The following YIPF7 variants were observed in gnomAD, a reference collection of about 807,000 sequenced individuals.
YIPF7 encodes Yip1 domain family member 7.
YIPF7 carries 35 observed loss-of-function variants against 27.2 expected under a neutral mutation model. The observed-to-expected ratio is 1.29, with a 90% CI of 0.98 to 1.70. The LOEUF is 1.70. YIPF7 is among the 40% of genes most tolerant of loss of function. The pLI is 0.00. For synonymous variants in YIPF7, 137 were observed against 110.4 expected, an observed-to-expected ratio of 1.24 and a Z score of -1.51; for missense variants, 358 against 303.7, an observed-to-expected ratio of 1.18 and a Z score of -1.33.
At chr4:44,628,926 A>T (rs1712770234) in intron 4 of YIPF7, among the ~76,000 whole-genome samples, 1 of 152,174 alleles carries the variant, frequency 6.6e-6, no homozygotes, top group South Asian at 2.1e-4. Flanking sequence ...TTAATTTTTC[A>T]TAGTAGCCTA....
intron 2 of YIPF7, among the ~76,000 whole-genome samples, chr4:44,638,836 G>C (rs1713226105): frequency 6.6e-6 from 1 of 152,132 alleles, no homozygotes; most frequent in Non-Finnish European, 1.5e-5. Context: ...TTATGTTTAA[G>C]TCTTTAATCC....
chr4:44,632,189 A>T (rs1712925619), intron 3 of YIPF7, among the ~76,000 whole-genome samples: 1 of 152,178 alleles, frequency 6.6e-6, no homozygotes, highest in South Asian at 2.1e-4. Flanking sequence ...TATGTGAGTG[A>T]TTATAACTAT....
chr4:44,629,957 T>C (rs1003836198), intron 3 of YIPF7, among the ~76,000 whole-genome samples: 4 of 152,226 alleles, frequency 2.6e-5, no homozygotes, highest in Non-Finnish European at 4.4e-5. Flanking sequence ...AGATATTTCC[T>C]TTTCCTGCAT....
intron 3 of YIPF7, among the ~76,000 whole-genome samples, chr4:44,635,476 T>C (rs374789238): frequency 8.5e-5 from 13 of 152,274 alleles, no homozygotes; most frequent in African/African-American, 3.1e-4. Context: ...CTTGTCTCCA[T>C]GTCAACAATG....
In YIPF7 at chr4:44,629,513, T is replaced by A; in HGVS notation, c.316A>T (p.Thr106Ser). 6.4e-7 allele frequency: 1 copy of A among 1,568,596 alleles called. No individual in the cohort carries two copies. The highest frequency in any genetic ancestry group is 8.6e-7 in the Non-Finnish European group (1 of 1,156,224). ...TTCATTGGGTTTAACACTGTCAAAGTTTTTTGCCATATGTGATCAAAATGG... is the reference window on the plus strand; with the variant it reads ...TTCATTGGGTTTAACACTGTCAAAGATTTTTGCCATATGTGATCAAAATGG... ...GIHFDHIWQK[T>S]LTVLNPMKPV... Residue 106 changes from threonine to serine, a missense_variant, in exon 4 of 6, where the codon ACT (threonine) becomes TCT (serine). Thr to Ser is a moderately conservative substitution (Grantham distance 58). Transcript: ENST00000415895.
At chr4:44,647,338 TTCTC>T (rs1713562707) in intron 2 of YIPF7, among the ~76,000 whole-genome samples, 1 of 152,172 alleles carries the variant, frequency 6.6e-6, no homozygotes, top group South Asian at 2.1e-4. Flanking sequence ...AGAAAGTTTT[TTCTC>T]TCTTATTGTG....
chr4:44,624,189 C>T (rs768144273), intron 5 of YIPF7, among the ~76,000 whole-genome samples: 37 of 151,664 alleles, frequency 2.4e-4, no homozygotes, highest in Admixed American at 1.2e-3. Context: ...CTCAGCCTCC[C>T]GAGTAGATGG....
intron 1 of YIPF7, among the ~76,000 whole-genome samples, chr4:44,650,543 GATT>G (rs113112449): frequency 3.1e-3 from 459 of 145,718 alleles, no homozygotes; most frequent in African/African-American, 0.011. Flanking sequence ...TTGTACCAAG[GATT>G]ATTATCTGCA....
chr4:44,624,559 T>C, intron 5 of YIPF7, 42 bp downstream of exon 5: 2 of 1,500,358 alleles, frequency 1.3e-6, no homozygotes, highest in Non-Finnish European at 1.8e-6. Context: ...ACCTTGGCTA[T>C]GATTGTGCAT....
At position 44,624,773 on chromosome 4, in the gene YIPF7, C is replaced by A; in HGVS notation, c.436G>T (p.Val146Phe). 6.2e-7 allele frequency: 1 copy of A among 1,607,002 alleles called. No individual in the cohort carries two copies. Among genetic ancestry groups the A allele is most frequent in the Non-Finnish European group, 8.5e-7 (1 of 1,177,470 alleles). ...ATGCCATACACATAACCAAACTGAA[C>A]TTTTCCTGCCTGAAACGACGTGAAG... ...LGATLLLAGKVQFGYVYGMSA... is the reference protein window; with the variant it reads ...LGATLLLAGKFQFGYVYGMSA... Residue 146 changes from valine to phenylalanine, a missense_variant, in exon 5 of 6, where the codon GTT becomes TTT. Transcript: ENST00000415895.
chr4:44,632,323 A>G (rs539239189), intron 3 of YIPF7, among the ~76,000 whole-genome samples: 1 of 152,350 alleles, frequency 6.6e-6, no homozygotes, highest in East Asian at 1.9e-4. Flanking sequence ...TATATGATAC[A>G]TATGCTATAA....
chr4:44,624,848 A>C, intron 4 of YIPF7, 66 bp from the exon 5 acceptor site: 171 of 1,437,852 alleles, frequency 1.2e-4, no homozygotes, highest in Middle Eastern at 1.8e-4. Flanking sequence ...TCTGAATATC[A>C]TGAAGCAGAG....
chr4:44,642,470 T>G (rs6822979), intron 2 of YIPF7, among the ~76,000 whole-genome samples: 149,948 of 152,154 alleles, frequency 0.99, 73,925 homozygotes, highest in East Asian at 1. Context: ...ATTAAATGTT[T>G]CATCTCAATA....
chr4:44,629,728 CAT>C (rs10551144), intron 3 of YIPF7, among the ~76,000 whole-genome samples, 180 bp from the exon 4 acceptor site: 79,197 of 151,736 alleles, frequency 0.52, 22,060 homozygotes, highest in Non-Finnish European at 0.63. Context: ...TTCTATGTAA[CAT>C]ATAATAATCT....
intron 2 of YIPF7, among the ~76,000 whole-genome samples, chr4:44,637,331 C>T (rs1452593124): frequency 6.6e-6 from 1 of 152,108 alleles, no homozygotes; most frequent in Non-Finnish European, 1.5e-5. Flanking sequence ...ATACTGTTTT[C>T]CATAGAGGCT....
rs1229070923 is a variant in YIPF7 at position 44,624,734 on chromosome 4, A to T, written c.475T>A (p.Cys159Ser). 6.2e-7 allele frequency: 1 copy of T among 1,611,990 alleles called. No homozygotes were observed. Among genetic ancestry groups the T allele is most frequent in the Non-Finnish European group, 8.5e-7 (1 of 1,179,068 alleles). Residue 159 changes from cysteine to serine, a missense_variant, in exon 5 of 6, where the codon TGC becomes AGC. Cys to Ser is a moderately radical substitution (Grantham distance 112). Coordinates refer to ENST00000415895, the MANE Select transcript of YIPF7 (RefSeq NM_182592.3). ...GYVYGMSAIGCLVIHALLNLM... is the reference protein window; with the variant it reads ...GYVYGMSAIGSLVIHALLNLM... Reference sequence around the variant, plus strand: ...TTCAGCAAGGCATGAATCACAAGGCAGCCAATGGCACTCATGCCATACACA... The same window carrying T: ...TTCAGCAAGGCATGAATCACAAGGCTGCCAATGGCACTCATGCCATACACA...
chr4:44,661,209 G>C (rs1327713075), intron 1 of YIPF7, among the ~76,000 whole-genome samples: 3 of 152,108 alleles, frequency 2.0e-5, no homozygotes, highest in Non-Finnish European at 4.4e-5. Context: ...TTAAAGTATG[G>C]GCTCAGAGAT....
Position 44,635,992 on chromosome 4 carries a change from T to G in YIPF7, c.210A>C (p.Ala70=). 2 of 1,613,950 alleles carry G rather than the reference T, an allele frequency of 1.2e-6. No individual in the cohort carries two copies. The highest frequency in any genetic ancestry group is 8.5e-7 in the Non-Finnish European group (1 of 1,179,858). Residue 70 remains alanine, a synonymous_variant, in exon 3 of 6, where the codon GCA becomes GCC. Transcript: ENST00000415895. The part of the protein sequence containing the change: ...SGYAGQFFQP[A]SNSDYYSQSP... ...ATTGTGAATAATAATCTGAGTTGGA[T>G]GCTGGCTGAAAAAATTGTCCTGCGT...
chr4:44,651,542 T>A lies in YIPF7; in HGVS notation c.-2+12A>T. On this transcript the variant is annotated intron_variant, in intron 1 of 5. Transcript: ENST00000415895. ...TTAAATGCCAAGTCTTTTAGAAGGA[T>A]CAGACACATACCTCTGTTTATTTTT... is the stretch of plus-strand genomic sequence containing the variant. The A allele has an allele frequency of 1.9e-6, 3 of 1,560,392 alleles. No homozygotes were observed. Among genetic ancestry groups the A allele is most frequent in the Non-Finnish European group, 2.6e-6 (3 of 1,150,044 alleles).
Sources: allele counts gnomAD v4.1 joint callset (sites outside exome capture counted in the v4.1 genomes callset), GRCh38; gene constraint gnomAD v4.1.1; transcripts MANE v1.5; gene names NCBI Gene and HGNC (gene_info 2026-07-23, HGNC 2026-07-21).